Variants in EFCAB6 observed in about 807,000 individuals in gnomAD.
The protein encoded by EFCAB6 is EF-hand calcium binding domain 6.
In EFCAB6, 156 loss-of-function variants were observed where a neutral mutation model predicts 169.8. The observed-to-expected ratio is 0.92, with a 90% confidence interval of 0.81 to 1.05. EFCAB6 has a LOEUF of 1.05. Among genes scored for constraint, EFCAB6 ranks in the 50% least tolerant of loss-of-function variants. The pLI, the probability that EFCAB6 is intolerant of heterozygous loss-of-function variation, is 0.00. For missense variants in EFCAB6, 1,800 were observed against 1,829.1 expected (o/e 0.98, Z 0.29); for synonymous variants, 698 against 676.4 (o/e 1.03, Z -0.50).
intron 4 of EFCAB6, among the ~76,000 whole-genome samples, chr22:43,770,003 T>A (rs1363724162): frequency 1.3e-5 from 2 of 151,976 alleles, no homozygotes; most frequent in African/African-American, 2.4e-5. Flanking sequence ...TACAGGCATG[T>A]GCCACCATGT....
At chr22:43,757,373 C>G (rs1034077426) in intron 5 of EFCAB6, among the ~76,000 whole-genome samples, 2 of 152,046 alleles carry the variant, frequency 1.3e-5, no homozygotes, top group Non-Finnish European at 2.9e-5. Flanking sequence ...CATGGAGAAA[C>G]CCCATCTCTA....
intron 2 of EFCAB6, among the ~76,000 whole-genome samples, chr22:43,785,784 A>G (rs1772549785): frequency 6.6e-6 from 1 of 152,198 alleles, no homozygotes; most frequent in African/African-American, 2.4e-5. Flanking sequence ...AAACACTCAA[A>G]TTATTAAAAT....
chr22:43,710,038 A>T (rs2059104928), intron 10 of EFCAB6, among the ~76,000 whole-genome samples: 1 of 152,152 alleles, frequency 6.6e-6, no homozygotes, highest in South Asian at 2.1e-4. Context: ...GGCACCTATC[A>T]ATTACCCACA....
At chr22:43,763,296 C>T (rs1299935286) in intron 5 of EFCAB6, among the ~76,000 whole-genome samples, 1 of 152,146 alleles carries the variant, frequency 6.6e-6, no homozygotes, top group South Asian at 2.1e-4. Context: ...ACTTCGGCCT[C>T]CCAAAGTGCT....
chr22:43,679,189 A>G (rs1162631276), intron 12 of EFCAB6, among the ~76,000 whole-genome samples: 1 of 152,104 alleles, frequency 6.6e-6, no homozygotes, highest in Non-Finnish European at 1.5e-5. Context: ...CAATGACTCC[A>G]TTTTCTGTCT....
At chr22:43,691,758 A>G (rs1217223728) in intron 10 of EFCAB6, among the ~76,000 whole-genome samples, 4 of 152,196 alleles carry the variant, frequency 2.6e-5, no homozygotes, top group Non-Finnish European at 5.9e-5. Flanking sequence ...ACTTCTTCCA[A>G]TAATGGTAAA....
At chr22:43,750,560 A>C (rs531832610) in intron 6 of EFCAB6, among the ~76,000 whole-genome samples, 1 of 152,336 alleles carries the variant, frequency 6.6e-6, no homozygotes, top group African/African-American at 2.4e-5. Flanking sequence ...AGAGCTGATG[A>C]AAGTAGGATT....
chr22:43,562,507 GGGGGTGGGAGGGAGGCAGCCCGGTCA>G (rs2049100750), intron 26 of EFCAB6, among the ~76,000 whole-genome samples: 6 of 151,730 alleles, frequency 4.0e-5, no homozygotes, highest in African/African-American at 1.2e-4. Context: ...GTTCTGGGTT[GGGGGTGGGAGGGAGGCAGCCCGGTCA>G]GGGGTGGGAG....
intron 17 of EFCAB6, among the ~76,000 whole-genome samples, chr22:43,658,737 A>G (rs1220212687): frequency 6.6e-6 from 1 of 152,214 alleles, no homozygotes; most frequent in Non-Finnish European, 1.5e-5. Context: ...GGATGGAGGA[A>G]TAAGTAACAA....
At chr22:43,781,829 C>T (rs1352606117) in intron 3 of EFCAB6, among the ~76,000 whole-genome samples, 1 of 151,964 alleles carries the variant, frequency 6.6e-6, no homozygotes, top group Non-Finnish European at 1.5e-5. Flanking sequence ...ATGGGAACTT[C>T]CTGTGTTTTC....
At chr22:43,543,602 C>T (rs1209576583) in intron 27 of EFCAB6, among the ~76,000 whole-genome samples, 1 of 152,148 alleles carries the variant, frequency 6.6e-6, no homozygotes, top group East Asian at 1.9e-4. Flanking sequence ...CCCCTTGGGC[C>T]CAAGGTCTGC....
At chr22:43,533,837 C>T (rs58306678) in intron 30 of EFCAB6, among the ~76,000 whole-genome samples, 2 of 152,300 alleles carry the variant, frequency 1.3e-5, no homozygotes, top group East Asian at 1.9e-4. Context: ...GCAGCAAGGC[C>T]GGGGACATTT....
chr22:43,709,302 G>A (rs1342888887), intron 10 of EFCAB6, among the ~76,000 whole-genome samples: 1 of 152,018 alleles, frequency 6.6e-6, no homozygotes, highest in Non-Finnish European at 1.5e-5. Context: ...GGCTGGTCTC[G>A]AACTCCTGAC....
rs1345111506 is a variant in EFCAB6 at position 43,632,170 on chromosome 22, T to A, written c.2167A>T (p.Ser723Cys). The part of the protein sequence containing the change: ...PPTPSKSYVN[S>C]HFITAEECLK... ...CATTCTTCTGCGGTGATAAAGTGGC[T>A]GTTCACGTAACTTTTTGAAGGAGTT... Residue 723 changes from serine (S) to cysteine (C), a missense_variant, in exon 19 of 32, where the codon AGC (serine) becomes TGC (cysteine). Physicochemically the swap from Ser to Cys is moderately radical, Grantham distance 112 (BLOSUM62 -1). Transcript: ENST00000262726. 7.4e-6 allele frequency: 12 copies of A among 1,614,108 alleles called. No homozygotes were observed. The highest frequency in any genetic ancestry group is 9.3e-6 in the Non-Finnish European group (11 of 1,180,046).
chr22:43,604,587 G>T (rs900546461), intron 22 of EFCAB6, among the ~76,000 whole-genome samples: 1 of 152,006 alleles, frequency 6.6e-6, no homozygotes, highest in South Asian at 2.1e-4. Context: ...TTCCCATCTT[G>T]AGGCTCCCTG....
At chr22:43,531,059 G>C in intron 30 of EFCAB6, 95 bp from the exon 31 acceptor site, 4 of 1,536,362 alleles carry the variant, frequency 2.6e-6, no homozygotes, top group Non-Finnish European at 3.5e-6. Flanking sequence ...GCCCAGCCCT[G>C]CTCCGGCTTC....
At chr22:43,543,321 C>G (rs13055942) in intron 27 of EFCAB6, among the ~76,000 whole-genome samples, 21,451 of 152,150 alleles carry the variant, frequency 0.14, 1,621 homozygotes, top group Middle Eastern at 0.19. Context: ...GGGGACCCAG[C>G]CACCAGGGCG....
intron 11 of EFCAB6, among the ~76,000 whole-genome samples, chr22:43,684,665 AAAC>A (rs2147119529): frequency 6.6e-6 from 1 of 152,352 alleles, no homozygotes; most frequent in Admixed American, 6.5e-5. Context: ...GTTTGTGCAG[AAAC>A]AATAAGCCTA....
intron 19 of EFCAB6, among the ~76,000 whole-genome samples, chr22:43,630,701 T>C (rs986230756): frequency 2.6e-5 from 4 of 152,194 alleles, no homozygotes; most frequent in African/African-American, 7.2e-5. Context: ...TCTCTCTCCC[T>C]GCAGCGGCCG....
Sources: allele counts gnomAD v4.1 joint callset (sites outside exome capture counted in the v4.1 genomes callset), GRCh38; gene constraint gnomAD v4.1.1; transcripts MANE v1.5; gene names NCBI Gene and HGNC (gene_info 2026-07-23, HGNC 2026-07-21).